The following COPG2 variants were observed in gnomAD, a reference collection of about 807,000 sequenced individuals.
The protein encoded by COPG2 is coatomer subunit gamma-2.
COPG2 carries 37 observed loss-of-function variants against 46.3 expected under a neutral mutation model. The observed-to-expected ratio is 0.80, with a 90% CI of 0.61 to 1.05. COPG2 has a LOEUF of 1.05. COPG2 is among the 50% of genes least tolerant of loss of function. The pLI is 0.00. For missense variants in COPG2, 427 were observed against 387.8 expected, an observed-to-expected ratio of 1.10 and a Z score of -0.85; for synonymous variants, 159 against 129.7, an observed-to-expected ratio of 1.23 and a Z score of -1.53.
At chr7:130,650,453 A>G (rs1302314740) in intron 5 of COPG2, among the ~76,000 whole-genome samples, 1 of 152,240 alleles carries the variant, frequency 6.6e-6, no homozygotes, top group Non-Finnish European at 1.5e-5. Flanking sequence ...GAAACAAACA[A>G]AAAACTCTCA....
At chr7:130,596,119 G>A (rs1554449643) in intron 9 of COPG2, among the ~76,000 whole-genome samples, 1 of 152,182 alleles carries the variant, frequency 6.6e-6, no homozygotes, top group African/African-American at 2.4e-5. Flanking sequence ...GGTGAGTAGG[G>A]TAAAATCCCA....
chr7:130,631,701 TCA>T (rs1267223554), intron 5 of COPG2, among the ~76,000 whole-genome samples: 1 of 151,570 alleles, frequency 6.6e-6, no homozygotes, highest in Non-Finnish European at 1.5e-5. Context: ...GCTATTTTTG[TCA>T]CAGATTTTAT....
intron 9 of COPG2, among the ~76,000 whole-genome samples, chr7:130,565,827 T>A (rs995448136): frequency 7.9e-5 from 12 of 152,090 alleles, no homozygotes; most frequent in Middle Eastern, 3.4e-3. Context: ...AAAAGTTCAA[T>A]AGCAGACTTG....
chr7:130,643,765 C>G (rs1273051451), intron 5 of COPG2, among the ~76,000 whole-genome samples: 8 of 152,056 alleles, frequency 5.3e-5, no homozygotes, highest in Non-Finnish European at 8.8e-5. Flanking sequence ...AGTTCAAGAC[C>G]AGATAGGCAA....
At chr7:130,523,197 A>C (rs1181124297) in intron 20 of COPG2, among the ~76,000 whole-genome samples, 1 of 151,210 alleles carries the variant, frequency 6.6e-6, no homozygotes, top group Non-Finnish European at 1.5e-5. Flanking sequence ...ATAGGGAGTC[A>C]AGGTGGCTGT....
intron 9 of COPG2, among the ~76,000 whole-genome samples, chr7:130,595,233 T>A (rs1220179362): frequency 1.3e-5 from 2 of 152,240 alleles, no homozygotes; most frequent in Admixed American, 1.3e-4. Context: ...TTGAAAACAT[T>A]ATACTAAATG....
chr7:130,618,753 C>T (rs1794990704), intron 5 of COPG2, among the ~76,000 whole-genome samples: 1 of 152,094 alleles, frequency 6.6e-6, no homozygotes, highest in Non-Finnish European at 1.5e-5. Flanking sequence ...TTTCTATTTA[C>T]ATTTTTTGTG....
intron 21 of COPG2, chr7:130,508,066 C>A (rs1554440479): frequency 2.3e-6 from 1 of 433,856 alleles, no homozygotes; most frequent in East Asian, 3.9e-5. Flanking sequence ...TCATGTTGCA[C>A]CCACACTTGA....
In COPG2 at chr7:130,521,849, A is replaced by G. The variant is rs1392087653; in HGVS notation, c.2150-13190T>C. ...ATTAAAGATGGACCAAAGATATGGA[A>G]GGGAAAAAGGGTGAGGTAGAAAAGA... On this transcript the variant is annotated intron_variant, in intron 20 of 23. Transcript: ENST00000425248. Among the ~76,000 whole-genome samples, 23 of 152,326 alleles carry G rather than the reference A, an allele frequency of 1.5e-4. 1 individual carries two copies. The South Asian group carries it at 4.6e-3, about 30-fold the overall frequency.
At chr7:130,551,545 G>A (rs1473081157) in intron 15 of COPG2, among the ~76,000 whole-genome samples, 7 of 152,192 alleles carry the variant, frequency 4.6e-5, no homozygotes, top group African/African-American at 1.7e-4. Context: ...CTGCTACTGT[G>A]AATCACAAGC....
chr7:130,614,787 G>C (rs1794917986), intron 6 of COPG2, among the ~76,000 whole-genome samples: 1 of 152,146 alleles, frequency 6.6e-6, no homozygotes, highest in South Asian at 2.1e-4. Context: ...CTGGGCATCG[G>C]CCTGGTTTTA....
intron 5 of COPG2, among the ~76,000 whole-genome samples, chr7:130,623,086 T>G (rs896876851): frequency 1.3e-5 from 2 of 152,144 alleles, no homozygotes; most frequent in Non-Finnish European, 2.9e-5. Flanking sequence ...TTCTCTGACA[T>G]GGGAGTGTCA....
At chr7:130,622,729 T>A (rs1431570551) in intron 5 of COPG2, among the ~76,000 whole-genome samples, 1 of 152,176 alleles carries the variant, frequency 6.6e-6, no homozygotes, top group Non-Finnish European at 1.5e-5. Flanking sequence ...GCACTTTACC[T>A]GGTTTTGGCT....
At chr7:130,543,094 A>AGT (rs1793370296) in intron 20 of COPG2, among the ~76,000 whole-genome samples, 1 of 152,232 alleles carries the variant, frequency 6.6e-6, no homozygotes, top group South Asian at 2.1e-4. Flanking sequence ...ACTGATATGG[A>AGT]AGGCAGTGTT....
chr7:130,526,384 T>C (rs1477522607), intron 20 of COPG2, among the ~76,000 whole-genome samples: 1 of 151,976 alleles, frequency 6.6e-6, no homozygotes, highest in Non-Finnish European at 1.5e-5. Context: ...GAGAGAAATA[T>C]GGGCCACAGA....
chr7:130,592,985 C>T (rs1256403579), intron 9 of COPG2, among the ~76,000 whole-genome samples: 3 of 152,212 alleles, frequency 2.0e-5, no homozygotes, highest in Non-Finnish European at 2.9e-5. Flanking sequence ...GACTTCTATA[C>T]ACTGACATAG....
chr7:130,564,201 A>T, intron 10 of COPG2, 59 bp downstream of exon 10: 1 of 398,532 alleles, frequency 2.5e-6, no homozygotes, highest in Non-Finnish European at 4.4e-6. Context: ...CTGTAGACCT[A>T]TGAAACTTAA....
At chr7:130,582,228 G>C (rs1350088796) in intron 9 of COPG2, among the ~76,000 whole-genome samples, 1 of 148,996 alleles carries the variant, frequency 6.7e-6, no homozygotes, top group Non-Finnish European at 1.5e-5. Flanking sequence ...ACAAACCTGA[G>C]AAAAACAAGA....
chr7:130,667,461 C>G, intron 2 of COPG2, 21 bp downstream of exon 2: 1 of 1,608,162 alleles, frequency 6.2e-7, no homozygotes, highest in Non-Finnish European at 8.5e-7. Context: ...AGAAAGGGCA[C>G]AAGATACTTC....
Sources: allele counts gnomAD v4.1 joint callset (sites outside exome capture counted in the v4.1 genomes callset), GRCh38; gene constraint gnomAD v4.1.1; transcripts MANE v1.5; gene names NCBI Gene and HGNC (gene_info 2026-07-23, HGNC 2026-07-21).